Variants in CNTN5 observed in about 807,000 individuals in gnomAD.
CNTN5 encodes the protein contactin 5, also known as contactin-5.
Under a neutral mutation model 129.1 loss-of-function variants are expected in CNTN5, and 77 were observed. The observed-to-expected ratio is 0.60, with a 90% confidence interval of 0.50 to 0.72. The LOEUF is 0.72. Among genes scored for constraint, CNTN5 ranks in the 30% least tolerant of loss-of-function variants. The pLI is 0.00. For missense variants in CNTN5, 1,478 were observed against 1,328.8 expected, an observed-to-expected ratio of 1.11 and a Z score of -1.75; for synonymous variants, 509 against 465.6, an observed-to-expected ratio of 1.09 and a Z score of -1.20.
intron 1 of CNTN5, among the ~76,000 whole-genome samples, chr11:99,060,984 T>G (rs185543042): frequency 5.8e-4 from 89 of 152,210 alleles, no homozygotes; most frequent in African/African-American, 1.5e-3. Context: ...TCCTCCAAAC[T>G]CCAACCCCTC....
At chr11:99,991,397 G>A (rs1443454468) in intron 8 of CNTN5, among the ~76,000 whole-genome samples, 3 of 152,222 alleles carry the variant, frequency 2.0e-5, no homozygotes, top group Non-Finnish European at 4.4e-5. Context: ...AACCCGGGAG[G>A]CAGAGCTTGC....
chr11:99,250,065 A>G (rs1862022297), intron 1 of CNTN5, among the ~76,000 whole-genome samples: 1 of 152,116 alleles, frequency 6.6e-6, no homozygotes, highest in East Asian at 1.9e-4. Context: ...CAGTGAAGGC[A>G]TAGACACTTC....
At chr11:99,437,103 C>T (rs1459165544) in intron 2 of CNTN5, among the ~76,000 whole-genome samples, 3 of 152,160 alleles carry the variant, frequency 2.0e-5, no homozygotes, top group Non-Finnish European at 4.4e-5. Flanking sequence ...CCAAAGGTTT[C>T]ACCAAATCTC....
chr11:99,251,471 C>T (rs1862100379), intron 1 of CNTN5, among the ~76,000 whole-genome samples: 1 of 151,392 alleles, frequency 6.6e-6, no homozygotes, highest in Admixed American at 6.6e-5. Context: ...TAGTATCTTC[C>T]ATATCTTTTT....
intron 13 of CNTN5, among the ~76,000 whole-genome samples, chr11:100,120,530 G>A (rs192952874): frequency 4.3e-4 from 65 of 151,854 alleles, no homozygotes; most frequent in African/African-American, 1.4e-3. Context: ...TTTAATCCAC[G>A]TTTAATCCAT....
chr11:99,701,247 CTAGAG>C (rs753964617), intron 3 of CNTN5, among the ~76,000 whole-genome samples: 7 of 151,172 alleles, frequency 4.6e-5, no homozygotes, highest in Non-Finnish European at 7.4e-5. Context: ...GAAATAGGGA[CTAGAG>C]TAAAGTGTAA....
At chr11:99,585,410 T>C (rs1346704645) in intron 3 of CNTN5, among the ~76,000 whole-genome samples, 1 of 152,206 alleles carries the variant, frequency 6.6e-6, no homozygotes, top group Admixed American at 6.5e-5. Context: ...TGTTTTCTAT[T>C]AAGCTAAATT....
intron 8 of CNTN5, among the ~76,000 whole-genome samples, chr11:99,987,610 G>T (rs1938778007): frequency 6.6e-6 from 1 of 151,540 alleles, no homozygotes; most frequent in Non-Finnish European, 1.5e-5. Context: ...GGTGAGAGAA[G>T]TGGGGTGGTA....
intron 9 of CNTN5, among the ~76,000 whole-genome samples, chr11:100,021,856 C>A (rs573073000): frequency 1.3e-5 from 2 of 152,124 alleles, no homozygotes; most frequent in Admixed American, 6.5e-5. Context: ...GCAAACCACT[C>A]GTGTAGGAAC....
At chr11:99,580,463 AC>A (rs2059085061) in intron 3 of CNTN5, among the ~76,000 whole-genome samples, 1 of 152,096 alleles carries the variant, frequency 6.6e-6, no homozygotes, top group South Asian at 2.1e-4. Flanking sequence ...CTGGTCCTGG[AC>A]TTTTTTTGGT....
intron 13 of CNTN5, among the ~76,000 whole-genome samples, chr11:100,079,603 G>A (rs778975994): frequency 5.9e-5 from 9 of 151,994 alleles, no homozygotes; most frequent in Non-Finnish European, 8.8e-5. Flanking sequence ...AAATAGACAT[G>A]GGGAGTTAAT....
intron 13 of CNTN5, among the ~76,000 whole-genome samples, chr11:100,170,695 A>G (rs1947796850): frequency 6.6e-6 from 1 of 151,902 alleles, no homozygotes; most frequent in Non-Finnish European, 1.5e-5. Context: ...GGACAGTTCC[A>G]TGCTGTCTAT....
intron 3 of CNTN5, among the ~76,000 whole-genome samples, chr11:99,812,458 C>G (rs1946457991): frequency 6.6e-6 from 1 of 151,928 alleles, no homozygotes; most frequent in Admixed American, 6.6e-5. Flanking sequence ...ATAATAATAA[C>G]AAAAAATAAT....
At chr11:100,159,789 C>T (rs1158743397) in intron 13 of CNTN5, among the ~76,000 whole-genome samples, 1 of 151,882 alleles carries the variant, frequency 6.6e-6, no homozygotes, top group African/African-American at 2.4e-5. Flanking sequence ...ATATTTGCAG[C>T]ATTTCCTCTG....
chr11:99,590,629 A>C (rs536141401), intron 3 of CNTN5, among the ~76,000 whole-genome samples: 1 of 152,352 alleles, frequency 6.6e-6, no homozygotes, highest in East Asian at 1.9e-4. Context: ...CACTATGCAG[A>C]GTCATGGCAA....
At chr11:100,290,416 T>C (rs1430055449) in intron 18 of CNTN5, among the ~76,000 whole-genome samples, 18 of 148,464 alleles carry the variant, frequency 1.2e-4, no homozygotes, top group East Asian at 5.9e-4. Flanking sequence ...GAGATATAGA[T>C]CAATGGAACA....
At chr11:99,305,631 C>A (rs1161677266) in intron 1 of CNTN5, among the ~76,000 whole-genome samples, 1 of 152,074 alleles carries the variant, frequency 6.6e-6, no homozygotes, top group Non-Finnish European at 1.5e-5. Context: ...GTCAGAATTG[C>A]CATTTTAGCA....
intron 2 of CNTN5, among the ~76,000 whole-genome samples, chr11:99,332,708 C>G (rs1490170815): frequency 2.6e-5 from 4 of 151,952 alleles, no homozygotes; most frequent in Non-Finnish European, 4.4e-5. Context: ...AAGTGATGAT[C>G]TATTATCATC....
At chr11:100,327,100 G>A (rs1951805098) in intron 21 of CNTN5, among the ~76,000 whole-genome samples, 2 of 152,200 alleles carry the variant, frequency 1.3e-5, no homozygotes, top group Non-Finnish European at 2.9e-5. Context: ...TCTAATTTAT[G>A]TAGTTTAAAA....
Sources: gnomAD v4.1 joint callset for allele counts (sites outside exome capture counted in the v4.1 genomes callset) on GRCh38, gnomAD v4.1.1 for gene constraint, MANE v1.5 for transcripts, NCBI Gene and HGNC (gene_info 2026-07-23, HGNC 2026-07-21) for gene names.